CEP350: variants seen among roughly 807,000 people sequenced by gnomAD.
CEP350 encodes centrosomal protein 350.
CEP350 carries 126 observed loss-of-function variants against 331.8 expected under a neutral mutation model. The observed-to-expected ratio is 0.38, with a 90% CI of 0.33 to 0.44. The LOEUF is 0.44. CEP350 is among the 20% of genes least tolerant of loss of function. The pLI, the probability that CEP350 is intolerant of heterozygous loss-of-function variation, is 1.00. For synonymous variants in CEP350, 1,200 were observed against 1,259.5 expected (o/e 0.95, Z 1.00); for missense variants, 3,406 against 3,634.6 (o/e 0.94, Z 1.62).
At chr1:179,977,361 T>C (rs1461852563) in intron 1 of CEP350, among the ~76,000 whole-genome samples, 1 of 152,162 alleles carries the variant, frequency 6.6e-6, no homozygotes, top group Admixed American at 6.5e-5. Context: ...TTTTTGACTT[T>C]TGAAAAATGT....
intron 12 of CEP350, among the ~76,000 whole-genome samples, chr1:180,021,515 G>A (rs1180168416): frequency 6.6e-6 from 1 of 152,094 alleles, no homozygotes; most frequent in Non-Finnish European, 1.5e-5. Flanking sequence ...ATATTTAGCT[G>A]AGTGTGGTGG....
chr1:180,061,077 T>C (rs566006771), intron 25 of CEP350, among the ~76,000 whole-genome samples: 1 of 152,216 alleles, frequency 6.6e-6, no homozygotes, highest in Non-Finnish European at 1.5e-5. Flanking sequence ...TGTAGATGTT[T>C]ATAAAGCACT....
intron 1 of CEP350, among the ~76,000 whole-genome samples, chr1:179,972,677 G>A (rs142527078): frequency 5.8e-4 from 88 of 151,102 alleles, no homozygotes; most frequent in African/African-American, 2.0e-3. Context: ...GCCGAAAAGA[G>A]TGTTTTTAGA....
At chr1:180,040,443 GT>G (rs1287995184) in intron 17 of CEP350, among the ~76,000 whole-genome samples, 1 of 151,298 alleles carries the variant, frequency 6.6e-6, no homozygotes, top group Non-Finnish European at 1.5e-5. Flanking sequence ...GTTTTCTTTT[GT>G]TTTGTTCTAA....
At position 180,111,134 on chromosome 1, in the gene CEP350, A is replaced by G. The variant is rs1661451414; in HGVS notation, c.9327A>G (p.Glu3109=). The G allele has an allele frequency of 6.2e-7, 1 of 1,613,874 alleles. No homozygotes were observed. Among genetic ancestry groups the G allele is most frequent in the African/African-American group, 1.3e-5 (1 of 74,920 alleles). Residue 3109 remains glutamate (E), a synonymous_variant, in exon 38 of 38, where the codon GAA becomes GAG. Transcript: ENST00000367607. The part of the protein sequence containing the change: ...DTIDVLNQIS[E]KQGRMLLV ...TTGATGTTCTGAATCAGATCAGTGA[A>G]AAGCAGGGGAGAATGCTACTTGTGT...
At chr1:180,022,925 TA>T in intron 13 of CEP350, 77 bp downstream of exon 13, 1 of 1,387,868 alleles carries the variant, frequency 7.2e-7, no homozygotes, top group Non-Finnish European at 9.7e-7. Context: ...GTCTGAATAT[TA>T]GCCAAGTTTT....
In CEP350 at chr1:179,990,601, C is replaced by T; in HGVS notation, c.215C>T (p.Thr72Ile). The change falls in exon 4 of 38, where the codon ACT becomes ATT. Residue 72 changes from threonine to isoleucine, a missense_variant. Physicochemically the swap from Thr to Ile is moderately conservative, Grantham distance 89. Transcript: ENST00000367607. ...MDTKKSSTSA[T>I]RKISRKDGRY... Reference sequence around the variant, plus strand: ...ACCAAGAAGTCTTCTACAAGTGCTACTCGAAAAATAAGTAGAAAAGGTATG... The same window carrying T: ...ACCAAGAAGTCTTCTACAAGTGCTATTCGAAAAATAAGTAGAAAAGGTATG... 1 of 1,591,190 alleles carries T rather than the reference C, an allele frequency of 6.3e-7. No individual in the cohort carries two copies. Among genetic ancestry groups the T allele is most frequent in the Non-Finnish European group, 8.6e-7 (1 of 1,165,248 alleles).
intron 3 of CEP350, among the ~76,000 whole-genome samples, chr1:179,987,577 A>G (rs1017379670): frequency 6.6e-6 from 1 of 150,856 alleles, no homozygotes; most frequent in Non-Finnish European, 1.5e-5. Context: ...TAAATGGTAA[A>G]GTCATAAACA....
Position 180,053,733 on chromosome 1 carries a change from G to C in CEP350, c.4990-17G>C, listed in dbSNP as rs1211823641. On this transcript the variant is annotated splice_polypyrimidine_tract_variant and intron_variant, in intron 23 of 37. Transcript: ENST00000367607. ...AGGTTAGATGATGATAAACAAGAAAGAAACCATCTACTTTAGGAACTGAAC... is the reference window on the plus strand; with the variant it reads ...AGGTTAGATGATGATAAACAAGAAACAAACCATCTACTTTAGGAACTGAAC... 5 of 1,476,226 alleles carry C rather than the reference G, an allele frequency of 3.4e-6. No homozygotes were observed. Among genetic ancestry groups the C allele is most frequent in the Non-Finnish European group, 3.7e-6 (4 of 1,092,024 alleles). The allele number at this position is 1,476,226 out of a possible 1,614,324, so 91.4% of individuals were successfully genotyped here. A position where few individuals can be genotyped will look rare whatever the true frequency, so the allele number is the denominator to read the frequency against.
chr1:180,056,721 C>T (rs1451996502), intron 25 of CEP350, among the ~76,000 whole-genome samples: 1 of 152,062 alleles, frequency 6.6e-6, no homozygotes, highest in African/African-American at 2.4e-5. Flanking sequence ...GTTGGCCTCC[C>T]AGAGTACTAG....
chr1:180,060,512 A>G (rs1658157362), intron 25 of CEP350, among the ~76,000 whole-genome samples: 1 of 152,120 alleles, frequency 6.6e-6, no homozygotes, highest in South Asian at 2.1e-4. Context: ...AAAATTAGCT[A>G]TGCGTGGTGG....
intron 11 of CEP350, among the ~76,000 whole-genome samples, chr1:180,016,188 A>G (rs1324611184): frequency 1.3e-5 from 2 of 152,238 alleles, no homozygotes; most frequent in African/African-American, 4.8e-5. Context: ...TGTAAATGTC[A>G]GTTTCTTTTA....
chr1:180,052,458 C>T, intron 22 of CEP350: 1 of 271,726 alleles, frequency 3.7e-6, no homozygotes, highest in South Asian at 3.3e-5. Context: ...CTTGTAGTAC[C>T]AGAAAGGGAA....
At chr1:179,996,213 A>G (rs529556840) in intron 5 of CEP350, among the ~76,000 whole-genome samples, 1 of 152,266 alleles carries the variant, frequency 6.6e-6, no homozygotes, top group South Asian at 2.1e-4. Flanking sequence ...TCTTTAACTT[A>G]CTGGAATTTC....
chr1:180,024,959 C>G (rs952824332), intron 14 of CEP350, among the ~76,000 whole-genome samples: 1 of 150,800 alleles, frequency 6.6e-6, no homozygotes, highest in Non-Finnish European at 1.5e-5. Context: ...GAGTCTCACT[C>G]TGTCGCCCAG....
At chr1:180,009,182 G>A (rs1308878388) in intron 8 of CEP350, among the ~76,000 whole-genome samples, 1 of 152,096 alleles carries the variant, frequency 6.6e-6, no homozygotes, top group Admixed American at 6.6e-5. Flanking sequence ...GCTAATTTTT[G>A]TATTTTTAGT....
chr1:180,030,324 T>C (rs557774318), intron 14 of CEP350, among the ~76,000 whole-genome samples: 2 of 145,666 alleles, frequency 1.4e-5, no homozygotes, highest in African/African-American at 4.9e-5. Context: ...TGTATATATA[T>C]ACATATGTGT....
intron 9 of CEP350, among the ~76,000 whole-genome samples, chr1:180,012,855 T>C (rs966791610): frequency 3.9e-5 from 6 of 152,244 alleles, no homozygotes; most frequent in Non-Finnish European, 8.8e-5. Context: ...AAAGCCATGT[T>C]ATCAGATAAT....
In CEP350 at chr1:180,071,477, A is replaced by T. The variant is rs75567714; in HGVS notation, c.5568-3545A>T. The stretch of plus-strand genomic sequence containing the variant: ...TCCATCTCAAAAAAAAAAAAAAAAA[A>T]ATTTAAAAAGTGAATTAAGCTGTGC... On this transcript the variant is annotated intron_variant, in intron 27 of 37. Transcript: ENST00000367607. Among the ~76,000 whole-genome samples, 217 of 150,486 alleles carry T rather than the reference A, an allele frequency of 1.4e-3. 1 individual carries two copies. Among genetic ancestry groups the T allele is most frequent in the East Asian group, 9.6e-3 (49 of 5,082 alleles).
Sources: gnomAD v4.1 joint callset for allele counts (sites outside exome capture counted in the v4.1 genomes callset) on GRCh38, gnomAD v4.1.1 for gene constraint, MANE v1.5 for transcripts, NCBI Gene and HGNC (gene_info 2026-07-23, HGNC 2026-07-21) for gene names.